POP1: variants seen among roughly 807,000 people sequenced by gnomAD.
The protein encoded by POP1 is POP1 ribonuclease P/MRP subunit, also known as ribonucleases P/MRP protein subunit POP1.
POP1 carries 75 observed loss-of-function variants against 102.2 expected under a neutral mutation model. The ratio of observed to expected loss-of-function variants is 0.73; its 90% CI spans 0.61 to 0.89. The LOEUF (loss-of-function observed/expected upper bound fraction) is 0.89, where lower values mean the gene tolerates loss of function less well. POP1 is among the 40% of genes least tolerant of loss of function. POP1 has a pLI of 0.00. For synonymous variants in POP1, 436 were observed against 464.1 expected (o/e 0.94, Z 0.78); for missense variants, 1,116 against 1,267.4 (o/e 0.88, Z 1.81).
intron 2 of POP1, among the ~76,000 whole-genome samples, chr8:98,124,435 GCCTGTAGTC>G (rs1352079975): frequency 6.6e-6 from 1 of 152,094 alleles, no homozygotes; most frequent in Non-Finnish European, 1.5e-5. Flanking sequence ...GGTGGTGTGT[GCCTGTAGTC>G]CCTGCCACTT....
chr8:98,138,721 G>C (rs1031205828), intron 9 of POP1, among the ~76,000 whole-genome samples: 1 of 152,140 alleles, frequency 6.6e-6, no homozygotes. Flanking sequence ...AGGGTGCCCC[G>C]TAGTAGCTAA....
intron 12 of POP1, among the ~76,000 whole-genome samples, chr8:98,147,753 G>C (rs551565512): frequency 1.1e-4 from 16 of 152,282 alleles, no homozygotes; most frequent in Middle Eastern, 3.4e-3. Context: ...GACAAGGCTT[G>C]GTGGTTGGTT....
intron 4 of POP1, among the ~76,000 whole-genome samples, chr8:98,128,885 C>T (rs1816293453): frequency 6.6e-6 from 1 of 152,064 alleles, no homozygotes; most frequent in African/African-American, 2.4e-5. Context: ...GATCATGCTA[C>T]TGTACTCCAG....
intron 9 of POP1, among the ~76,000 whole-genome samples, chr8:98,139,671 C>A (rs915871666): frequency 1.3e-5 from 2 of 152,082 alleles, no homozygotes; most frequent in Admixed American, 6.5e-5. Context: ...GAGATTGAGG[C>A]TGCAGTGAGC....
intron 2 of POP1, among the ~76,000 whole-genome samples, chr8:98,126,355 C>A (rs1270625091): frequency 6.6e-6 from 1 of 151,994 alleles, no homozygotes; most frequent in East Asian, 1.9e-4. Flanking sequence ...TTTTTGAGCG[C>A]CGACATGACA....
chr8:98,138,080 C>T (rs530586901), intron 9 of POP1, among the ~76,000 whole-genome samples: 1 of 152,328 alleles, frequency 6.6e-6, no homozygotes, highest in Admixed American at 6.5e-5. Context: ...CTTGCCTGAA[C>T]AATTGGGGGA....
chr8:98,141,461 A>G (rs756013247), intron 11 of POP1, among the ~76,000 whole-genome samples: 1 of 152,052 alleles, frequency 6.6e-6, no homozygotes, highest in African/African-American at 2.4e-5. Context: ...GTCTCATTGT[A>G]TTTACTGTCA....
intron 1 of POP1, among the ~76,000 whole-genome samples, chr8:98,122,101 T>A (rs940721859): frequency 6.6e-6 from 1 of 152,182 alleles, no homozygotes; most frequent in African/African-American, 2.4e-5. Flanking sequence ...ACTGCTGTGA[T>A]TATAGGCATG....
intron 2 of POP1, among the ~76,000 whole-genome samples, 182 bp from the exon 3 acceptor site, chr8:98,127,413 C>T (rs184840458): frequency 7.0e-4 from 107 of 152,246 alleles, no homozygotes; most frequent in Non-Finnish European, 1.2e-3. Flanking sequence ...TTTGTGACCT[C>T]GAGCAAGTTA....
chr8:98,152,994 C>CAG (rs113487882), intron 14 of POP1, among the ~76,000 whole-genome samples: 19,294 of 151,972 alleles, frequency 0.13, 1,320 homozygotes, highest in Middle Eastern at 0.26. Context: ...TTTTTTGAGA[C>CAG]GGTCTCGCTC....
At chr8:98,134,381 A>T in intron 6 of POP1, 91 bp from the exon 7 acceptor site, 1 of 1,330,760 alleles carries the variant, frequency 7.5e-7, no homozygotes, top group Non-Finnish European at 1.1e-6. Flanking sequence ...CCTCTCATGG[A>T]GGCAGACAGT....
rs1490637825 is a variant in POP1 at position 98,159,599 on chromosome 8, T to A, written c.*1328T>A. Reference sequence around the variant, plus strand: ...GCAGTTAGGCATTATTTTATGTAAATGCATTGGGTTTTTACTGTAGCATTT... The same window carrying A: ...GCAGTTAGGCATTATTTTATGTAAAAGCATTGGGTTTTTACTGTAGCATTT... On this transcript the variant is annotated 3_prime_UTR_variant, in exon 16 of 16. Coordinates refer to ENST00000401707, the MANE Select transcript of POP1 (RefSeq NM_001145860.2). 2.6e-5 allele frequency: 4 copies of A among 152,146 alleles called. No homozygotes were observed. Among genetic ancestry groups the A allele is most frequent in the Admixed American group, 2.6e-4 (4 of 15,270 alleles). 9.4% of individuals were successfully genotyped at this position (152,146 alleles called of 1,614,324 possible).
In POP1 at chr8:98,136,464, G is replaced by A. The variant is rs771767302; in HGVS notation, c.1012-18G>A. On this transcript the variant is annotated intron_variant, in intron 7 of 15. Coordinates refer to ENST00000401707, the MANE Select transcript of POP1 (RefSeq NM_001145860.2). ...TAAATTTCAAGATTTTAAAGTGAATGTTTAAATATATTTTTAGGATATCTT... is the reference window on the plus strand; with the variant it reads ...TAAATTTCAAGATTTTAAAGTGAATATTTAAATATATTTTTAGGATATCTT... 31 of 1,593,242 alleles carry A rather than the reference G, an allele frequency of 1.9e-5. No individual in the cohort carries two copies. In the East Asian group the frequency reaches 6.7e-4, roughly 34 times the overall value.
intron 2 of POP1, among the ~76,000 whole-genome samples, chr8:98,125,868 C>G (rs1816188042): frequency 2.0e-5 from 3 of 151,942 alleles, no homozygotes; most frequent in African/African-American, 7.3e-5. Context: ...AGTTTTAAGA[C>G]AGGATCCCAC....
chr8:98,149,774 A>G (rs904363207), intron 13 of POP1, among the ~76,000 whole-genome samples: 6 of 149,412 alleles, frequency 4.0e-5, no homozygotes, highest in African/African-American at 1.5e-4. Flanking sequence ...TAAATAAATA[A>G]AATAAATAAG....
intron 1 of POP1, among the ~76,000 whole-genome samples, chr8:98,119,725 C>T (rs535482991): frequency 1.4e-4 from 22 of 152,240 alleles, no homozygotes; most frequent in Admixed American, 3.3e-4. Flanking sequence ...ACCACAAGCT[C>T]ATAACTATGC....
chr8:98,149,152 C>T (rs1809450654), intron 13 of POP1, 146 bp downstream of exon 13: 1 of 762,576 alleles, frequency 1.3e-6, no homozygotes, highest in Admixed American at 2.4e-5. Context: ...GTCCTGGATA[C>T]AAGATACTTC....
At chr8:98,142,281 G>A (rs1413679123) in intron 11 of POP1, among the ~76,000 whole-genome samples, 5 of 151,808 alleles carry the variant, frequency 3.3e-5, no homozygotes, top group Non-Finnish European at 7.4e-5. Context: ...TTAATTTGAC[G>A]CCTGAAGTCA....
chr8:98,126,931 T>A (rs1816222800), intron 2 of POP1, among the ~76,000 whole-genome samples: 1 of 152,196 alleles, frequency 6.6e-6, no homozygotes, highest in Non-Finnish European at 1.5e-5. Context: ...CCCAGTTATT[T>A]CAGATGAGGG....
Sources: allele counts gnomAD v4.1 joint callset (sites outside exome capture counted in the v4.1 genomes callset), GRCh38; gene constraint gnomAD v4.1.1; transcripts MANE v1.5; gene names NCBI Gene and HGNC (gene_info 2026-07-23, HGNC 2026-07-21).